The following WDR27 variants were observed in gnomAD, a reference collection of about 807,000 sequenced individuals.
The protein encoded by WDR27 is WD repeat-containing protein 27.
WDR27 carries 100 observed loss-of-function variants against 114.4 expected under a neutral mutation model. That is an observed-to-expected ratio of 0.87 (90% CI 0.74 to 1.03). The LOEUF is 1.03. Ranked by LOEUF, WDR27 falls within the 50% of genes least tolerant of loss-of-function variation. The probability of loss-of-function intolerance (pLI) is 0.00; values close to 1 mark genes in which losing one functional copy is unlikely to be tolerated. For synonymous variants in WDR27, 449 were observed against 423.1 expected, an observed-to-expected ratio of 1.06 and a Z score of -0.75; for missense variants, 1,129 against 1,092.9, an observed-to-expected ratio of 1.03 and a Z score of -0.47.
At chr6:169,551,909 C>T (rs74351245) in intron 25 of WDR27, among the ~76,000 whole-genome samples, 39 of 152,246 alleles carry the variant, frequency 2.6e-4, no homozygotes, top group Non-Finnish European at 4.7e-4. Flanking sequence ...TGAATGCCTG[C>T]GTACTGATAA....
intron 1 of WDR27, among the ~76,000 whole-genome samples, chr6:169,690,337 C>T (rs1422180463): frequency 1.3e-5 from 2 of 152,234 alleles, no homozygotes. Context: ...AACCCAGCCT[C>T]TGCCTTTCTC....
chr6:169,464,219 G>A (rs1400525672), intron 25 of WDR27, among the ~76,000 whole-genome samples: 1 of 152,162 alleles, frequency 6.6e-6, no homozygotes, highest in Admixed American at 6.5e-5. Flanking sequence ...AAGGCCCAAA[G>A]GTAAACTTTC....
chr6:169,669,183 G>A (rs9371165), intron 4 of WDR27, among the ~76,000 whole-genome samples: 13,591 of 152,276 alleles, frequency 0.089, 1,801 homozygotes, highest in East Asian at 0.61. Context: ...GTATTCATTT[G>A]AAATCTTTAA....
chr6:169,483,997 A>G (rs1232591993), intron 25 of WDR27, among the ~76,000 whole-genome samples: 1 of 152,184 alleles, frequency 6.6e-6, no homozygotes, highest in Non-Finnish European at 1.5e-5. Flanking sequence ...AAAAATCTCA[A>G]TAAACTAGGT....
intron 25 of WDR27, among the ~76,000 whole-genome samples, chr6:169,544,602 T>A (rs886483965): frequency 6.6e-6 from 1 of 152,104 alleles, no homozygotes; most frequent in Non-Finnish European, 1.5e-5. Flanking sequence ...GCCCAGCTAA[T>A]TTTTGTATTT....
chr6:169,487,517 C>T (rs190651212), intron 25 of WDR27, among the ~76,000 whole-genome samples: 10 of 152,182 alleles, frequency 6.6e-5, no homozygotes, highest in South Asian at 2.1e-4. Flanking sequence ...AGAGTCGAGG[C>T]GCTTGAAAGG....
intron 23 of WDR27, among the ~76,000 whole-genome samples, chr6:169,599,666 T>G (rs1258801860): frequency 5.3e-5 from 8 of 152,182 alleles, no homozygotes; most frequent in Non-Finnish European, 1.2e-4. Context: ...TCTTTATTAG[T>G]CCTGCTAGCG....
intron 7 of WDR27, chr6:169,665,259 G>T (rs1025967578): frequency 7.6e-7 from 1 of 1,321,836 alleles, no homozygotes; most frequent in African/African-American, 1.5e-5. Context: ...CACGCATGGA[G>T]CTCTGGGACA....
intron 21 of WDR27, among the ~76,000 whole-genome samples, chr6:169,618,328 C>T (rs537734129): frequency 6.6e-6 from 1 of 152,168 alleles, no homozygotes; most frequent in East Asian, 1.9e-4. Flanking sequence ...TATTCAGAGG[C>T]AGGCAAAGAG....
intron 6 of WDR27, among the ~76,000 whole-genome samples, chr6:169,665,789 G>A (rs1827692615): frequency 6.6e-6 from 1 of 152,158 alleles, no homozygotes; most frequent in Non-Finnish European, 1.5e-5. Context: ...ACCCCAAAAG[G>A]CTGCCCGGTG....
chr6:169,436,366 C>T, the WDR27 span, among the ~76,000 whole-genome samples: 1 of 152,036 alleles, frequency 6.6e-6, no homozygotes, highest in Non-Finnish European at 1.5e-5. Flanking sequence ...ATAAATCCAG[C>T]TTAAAAGCAA....
At chr6:169,524,060 C>G (rs563537282) in intron 25 of WDR27, among the ~76,000 whole-genome samples, 1 of 152,152 alleles carries the variant, frequency 6.6e-6, no homozygotes, top group East Asian at 1.9e-4. Flanking sequence ...AACCAAAAAA[C>G]TCTTAGAACT....
chr6:169,431,825 A>G, the WDR27 span, among the ~76,000 whole-genome samples: 9 of 152,352 alleles, frequency 5.9e-5, no homozygotes, highest in Non-Finnish European at 1.2e-4. Context: ...TCTTAGAATT[A>G]AAGTAAAAGA....
chr6:169,575,130 C>A (rs1187661387), intron 24 of WDR27, among the ~76,000 whole-genome samples: 5 of 152,142 alleles, frequency 3.3e-5, no homozygotes, highest in Non-Finnish European at 7.4e-5. Context: ...CTCCAGCTTG[C>A]AGACAGCAGA....
rs373964683 is a variant in WDR27, at chr6:169,660,696, T to C, written c.1096A>G (p.Asn366Asp). 6.2e-7 allele frequency: 1 copy of C among 1,613,858 alleles called. No individual in the cohort carries two copies. Among genetic ancestry groups the C allele is most frequent in the African/African-American group, 1.3e-5 (1 of 74,948 alleles). Residue 366 changes from asparagine to aspartate, a missense_variant, in exon 10 of 26, where the codon AAC becomes GAC. Transcript: ENST00000448612. The part of the protein sequence containing the change: ...SVGLFVFNLA[N>D]LEVEAALYYK... ...TACAAAGCAGCTTCCACTTCCAGGT[T>C]TGCCAGGTTAAATACGAATAAGCCC...
chr6:169,512,630 T>C (rs1231365490), intron 25 of WDR27, among the ~76,000 whole-genome samples: 1 of 152,210 alleles, frequency 6.6e-6, no homozygotes, highest in Non-Finnish European at 1.5e-5. Flanking sequence ...AAGCTAGATT[T>C]TAATGATGTT....
intron 25 of WDR27, among the ~76,000 whole-genome samples, chr6:169,567,018 A>G (rs3817867): frequency 0.59 from 89,946 of 152,154 alleles, 29,260 homozygotes; most frequent in Non-Finnish European, 0.72. Flanking sequence ...GCAATGCCTG[A>G]GAGCCTCAGG....
At chr6:169,491,689 A>G (rs1244592630) in intron 25 of WDR27, among the ~76,000 whole-genome samples, 1 of 152,166 alleles carries the variant, frequency 6.6e-6, no homozygotes, top group Non-Finnish European at 1.5e-5. Context: ...CAGGGCTGGC[A>G]GGGCTCCACT....
chr6:169,643,034 T>G (rs992176958), intron 17 of WDR27, among the ~76,000 whole-genome samples: 1 of 152,190 alleles, frequency 6.6e-6, no homozygotes, highest in East Asian at 1.9e-4. Flanking sequence ...GTTCTGGATT[T>G]GGGGGTATTT....
Sources: allele counts gnomAD v4.1 joint callset (sites outside exome capture counted in the v4.1 genomes callset), GRCh38; gene constraint gnomAD v4.1.1; transcripts MANE v1.5; gene names NCBI Gene and HGNC (gene_info 2026-07-23, HGNC 2026-07-21).